The following SAMD5 variants were observed in gnomAD, a reference collection of about 807,000 sequenced individuals.
SAMD5 encodes the protein sterile alpha motif domain containing 5.
Under a neutral mutation model 11.3 loss-of-function variants are expected in SAMD5, and 13 were observed. The observed-to-expected ratio is 1.15, with a 90% CI of 0.75 to 1.83. The LOEUF is 1.83. SAMD5 is among the 40% of genes most tolerant of loss of function. The probability of loss-of-function intolerance (pLI) is 0.00; values close to 1 mark genes in which losing one functional copy is unlikely to be tolerated. For missense variants in SAMD5, 255 were observed against 239.1 expected, an observed-to-expected ratio of 1.07 and a Z score of -0.44; for synonymous variants, 129 against 111.3, an observed-to-expected ratio of 1.16 and a Z score of -1.00.
At chr6:147,943,574 C>T in the SAMD5 span, among the ~76,000 whole-genome samples, 1 of 152,090 alleles carries the variant, frequency 6.6e-6, no homozygotes, top group African/African-American at 2.4e-5. Context: ...AGCTGCAGCC[C>T]CACCTGGCTG....
intron 1 of SAMD5, among the ~76,000 whole-genome samples, chr6:147,597,813 C>A (rs1789554255): frequency 6.6e-6 from 1 of 152,178 alleles, no homozygotes; most frequent in African/African-American, 2.4e-5. Context: ...TAGGAATCAC[C>A]AGGGAGTCAC....
chr6:147,731,189 C>T (rs1791707997), intron 1 of SAMD5, among the ~76,000 whole-genome samples: 1 of 152,048 alleles, frequency 6.6e-6, no homozygotes, highest in South Asian at 2.1e-4. Context: ...AGGTCCGAGC[C>T]CAGACATTTC....
chr6:147,944,383 A>G, the SAMD5 span, among the ~76,000 whole-genome samples: 1 of 152,296 alleles, frequency 6.6e-6, no homozygotes, highest in South Asian at 2.1e-4. Flanking sequence ...CAGCAGGCAA[A>G]GAAAGAGAGC....
At chr6:147,929,488 A>G in the SAMD5 span, among the ~76,000 whole-genome samples, 1 of 152,220 alleles carries the variant, frequency 6.6e-6, no homozygotes, top group Non-Finnish European at 1.5e-5. Flanking sequence ...TGTAATTCAT[A>G]AATGATATAA....
chr6:147,697,343 C>T (rs3861409), intron 1 of SAMD5, among the ~76,000 whole-genome samples: 119,223 of 152,138 alleles, frequency 0.78, 46,804 homozygotes, highest in Admixed American at 0.82. Context: ...CCAGTTTGGC[C>T]GCCTTGTGGA....
At chr6:147,510,079 C>T (rs574507743) in intron 1 of SAMD5, among the ~76,000 whole-genome samples, 1 of 152,224 alleles carries the variant, frequency 6.6e-6, no homozygotes, top group African/African-American at 2.4e-5. Context: ...TGGGCTGTCA[C>T]GAGTTTGGTT....
chr6:147,738,929 C>T (rs547786068), downstream of SAMD5, among the ~76,000 whole-genome samples: 87 of 152,324 alleles, frequency 5.7e-4, no homozygotes, highest in Non-Finnish European at 9.0e-4. Flanking sequence ...CCCCCACCCA[C>T]GAGCAGACCT....
At chr6:147,828,155 A>G in the SAMD5 span, among the ~76,000 whole-genome samples, 1 of 152,196 alleles carries the variant, frequency 6.6e-6, no homozygotes, top group African/African-American at 2.4e-5. Flanking sequence ...TTGTTTAAAT[A>G]TAGTTATGAG....
chr6:147,862,347 C>T, the SAMD5 span, among the ~76,000 whole-genome samples: 1 of 152,098 alleles, frequency 6.6e-6, no homozygotes, highest in Non-Finnish European at 1.5e-5. Context: ...AAATCCTATC[C>T]TTTGACAGTT....
rs922428620 is a variant in SAMD5, at chr6:147,664,295, C to T, written c.163-73022C>T. 2.0e-5 allele frequency among the ~76,000 whole-genome samples: 3 copies of T among 152,272 alleles called. 1 individual carries two copies. The South Asian group carries it at 6.2e-4, about 32-fold the overall frequency. On this transcript the variant is annotated intron_variant, in intron 1 of 1. Coordinates refer to the SAMD5 transcript ENST00000566741. ...TGCTTTAATTTGTACTCAGCAGTGTCAGCTCTGTCAGAGGAAAGGGCATCC... is the reference window on the plus strand; with the variant it reads ...TGCTTTAATTTGTACTCAGCAGTGTTAGCTCTGTCAGAGGAAAGGGCATCC...
chr6:147,609,189 G>A (rs915233269), intron 1 of SAMD5, among the ~76,000 whole-genome samples: 12 of 152,144 alleles, frequency 7.9e-5, no homozygotes, highest in Admixed American at 6.5e-4. Flanking sequence ...AGATAATCAA[G>A]TTAAAACAAG....
At chr6:147,890,141 AC>A in the SAMD5 span, among the ~76,000 whole-genome samples, 1 of 152,202 alleles carries the variant, frequency 6.6e-6, no homozygotes, top group African/African-American at 2.4e-5. Flanking sequence ...ATAAAGACAA[AC>A]GTGAGATTGA....
intron 1 of SAMD5, among the ~76,000 whole-genome samples, chr6:147,718,804 C>A (rs1472469363): frequency 6.6e-6 from 1 of 152,120 alleles, no homozygotes; most frequent in Non-Finnish European, 1.5e-5. Flanking sequence ...GATTCTCACG[C>A]CTCAGCCTCC....
At chr6:147,529,901 G>C (rs1479393854) in intron 1 of SAMD5, among the ~76,000 whole-genome samples, 7 of 152,176 alleles carry the variant, frequency 4.6e-5, no homozygotes, top group African/African-American at 1.4e-4. Context: ...TATGGCAACT[G>C]AGATACTTAT....
intron 1 of SAMD5, among the ~76,000 whole-genome samples, chr6:147,589,501 A>T: frequency 6.6e-6 from 1 of 152,120 alleles, no homozygotes. Context: ...TCCAAATCCC[A>T]GCTCAGCCAT....
Position 147,509,250 on chromosome 6 carries a change from G to A in SAMD5, c.322G>A (p.Gly108Arg). The A allele has an allele frequency of 1.3e-6, 2 of 1,516,000 alleles. No homozygotes were observed. Among genetic ancestry groups the A allele is most frequent in the South Asian group, 1.2e-5 (1 of 80,616 alleles). 93.9% of individuals were successfully genotyped at this position (1,516,000 alleles called of 1,614,324 possible). Residue 108 changes from glycine to arginine, a missense_variant, in exon 1 of 2, where the codon GGG becomes AGG. Physicochemically the swap from Gly to Arg is moderately radical, Grantham distance 125. Coordinates refer to ENST00000367474, the MANE Select transcript of SAMD5 (RefSeq NM_001030060.3). ...CGGCGGCCCGGCCCAGGGCACCCGC[G>A]GGGACTCTCGCGGCCACACGACCGC... is the stretch of plus-strand genomic sequence containing the variant. ...PCGGPAQGTR[G>R]DSRGHTTAPR...
chr6:147,601,897 C>T lies in SAMD5; in HGVS notation c.162+92510C>T, dbSNP rs78250562. ...TGGGTGCTAGGGAGTGTTCATATTT[C>T]GTGAAAGCTATCTTGGTGCATTGCC... On this transcript the variant is annotated intron_variant, in intron 1 of 1. Coordinates refer to the SAMD5 transcript ENST00000566741. Among the ~76,000 whole-genome samples the T allele has an allele frequency of 2.0e-3, 298 of 152,234 alleles. 7 individuals are homozygous for T. In the East Asian group the frequency reaches 0.05, roughly 26 times the overall value.
chr6:147,953,543 C>T, the SAMD5 span: 1 of 152,158 alleles, frequency 6.6e-6, no homozygotes, highest in African/African-American at 2.4e-5. Flanking sequence ...AAATTTGAAA[C>T]TATGCATTTC....
At chr6:147,590,747 A>T (rs1789440878) in intron 1 of SAMD5, among the ~76,000 whole-genome samples, 1 of 152,176 alleles carries the variant, frequency 6.6e-6, no homozygotes, top group African/African-American at 2.4e-5. Flanking sequence ...TAGATGAATG[A>T]TTGACTTCTT....
Sources: allele counts gnomAD v4.1 joint callset (sites outside exome capture counted in the v4.1 genomes callset), GRCh38; gene constraint gnomAD v4.1.1; transcripts MANE v1.5; gene names NCBI Gene and HGNC (gene_info 2026-07-23, HGNC 2026-07-21).